SYCP2: variants seen among roughly 807,000 people sequenced by gnomAD.
SYCP2 encodes the protein synaptonemal complex lateral element protein.
In SYCP2, 55 loss-of-function variants were observed where a neutral mutation model predicts 211.3. The observed-to-expected ratio is 0.26, with a 90% CI of 0.21 to 0.33. The LOEUF is 0.33. SYCP2 is among the 10% of genes least tolerant of loss of function. SYCP2 has a pLI of 1.00. For synonymous variants in SYCP2, 570 were observed against 555.2 expected (o/e 1.03, Z -0.37); for missense variants, 1,731 against 1,752.0 (o/e 0.99, Z 0.21).
intron 24 of SYCP2, among the ~76,000 whole-genome samples, chr20:59,887,658 T>G (rs902610456): frequency 6.1e-4 from 93 of 152,128 alleles, no homozygotes; most frequent in African/African-American, 2.2e-3. Context: ...CTCCAGCACC[T>G]GTTAACAGAA....
At chr20:59,922,709 C>A (rs1157127231) in intron 2 of SYCP2, among the ~76,000 whole-genome samples, 3 of 151,604 alleles carry the variant, frequency 2.0e-5, no homozygotes, top group African/African-American at 4.8e-5. Context: ...AAATATCCTG[C>A]CAAAAGGTCA....
intron 22 of SYCP2, 128 bp from the exon 23 acceptor site, chr20:59,892,829 T>C (rs1275600619): frequency 3.8e-6 from 3 of 784,762 alleles, no homozygotes; most frequent in African/African-American, 3.6e-5. Context: ...AAATTTATCT[T>C]ATCTTACAGT....
chr20:59,865,575 C>A lies in SYCP2; in HGVS notation c.4456G>T (p.Glu1486Ter). The A allele has an allele frequency of 6.3e-7, 1 of 1,598,406 alleles. No homozygotes were observed. The highest frequency in any genetic ancestry group is 8.5e-7 in the Non-Finnish European group (1 of 1,173,458). The change falls in exon 43 of 45, where the codon GAG (glutamate) becomes TAG (stop). Residue 1486 changes from glutamate (E) to a stop codon, truncating the protein, a stop_gained and splice_region_variant. Coordinates refer to ENST00000357552, the MANE Select transcript of SYCP2 (RefSeq NM_014258.4). LOFTEE classifies it high-confidence loss of function. ...TATAAAAAGCATAAAATTTATACCT[C>A]GGATGTAAAAACAGTTTCTTCACTA... ...TDSEETVFTS[E>*]MCLMKEDMKV...
chr20:59,916,658 G>C (rs2060448198), intron 7 of SYCP2, 87 bp from the exon 8 acceptor site: 6 of 866,198 alleles, frequency 6.9e-6, no homozygotes, highest in Middle Eastern at 2.5e-4. Context: ...AGTGGAAAGG[G>C]GCCAGGCATG....
chr20:59,868,920 A>G lies in SYCP2; in HGVS notation c.3747T>C (p.Ser1249=). Residue 1249 remains serine, a synonymous_variant, in exon 37 of 45, where the codon AGT becomes AGC. Transcript: ENST00000357552. The part of the protein sequence containing the change: ...ENYIQSKREE[S]HLASSLSKSS... The stretch of plus-strand genomic sequence containing the variant: ...ACTTGGATAATGAAGATGCTAAATG[A>G]CTTTCCTAAAATACGTATTAGAAAT... 6.2e-7 allele frequency: 1 copy of G among 1,602,340 alleles called. No homozygotes were observed. The highest frequency in any genetic ancestry group is 8.5e-7 in the Non-Finnish European group (1 of 1,174,884).
At chr20:59,908,604 A>G (rs760598556) in intron 14 of SYCP2, among the ~76,000 whole-genome samples, 2 of 152,222 alleles carry the variant, frequency 1.3e-5, no homozygotes, top group African/African-American at 4.8e-5. Flanking sequence ...TCTTCCTTAT[A>G]TATCAAGGCA....
chr20:59,869,548 C>T (rs1024368544), intron 36 of SYCP2, among the ~76,000 whole-genome samples: 3 of 151,644 alleles, frequency 2.0e-5, no homozygotes, highest in African/African-American at 7.3e-5. Flanking sequence ...AATATGCAAT[C>T]CGGGGTTCAG....
intron 18 of SYCP2, among the ~76,000 whole-genome samples, chr20:59,899,176 G>C (rs2060068894): frequency 6.6e-6 from 1 of 152,130 alleles, no homozygotes; most frequent in African/African-American, 2.4e-5. Context: ...GATGAAACAA[G>C]AAAGAATGGA....
chr20:59,892,688 A>G lies in SYCP2; in HGVS notation c.1807T>C (p.Leu603=). The change falls in exon 23 of 45, where the codon TTA becomes CTA. Residue 603 remains leucine, a synonymous_variant. Coordinates refer to ENST00000357552, the MANE Select transcript of SYCP2 (RefSeq NM_014258.4). ...ATTTTATTTCCACAGATGTTGTCTA[A>G]AACACCAGGTAATCTAGAAAATAAA... ...KRDHTILPGV[L]DNICGNKIHS... 6.2e-7 allele frequency: 1 copy of G among 1,603,786 alleles called. No individual in the cohort carries two copies. The highest frequency in any genetic ancestry group is 2.2e-5 in the East Asian group (1 of 44,488).
At position 59,915,203 on chromosome 20, in the gene SYCP2, T is replaced by C; in HGVS notation, c.600-4A>G. The stretch of plus-strand genomic sequence containing the variant: ...AATCCTTTCTCCCATACTACTCCTG[T>C]GAATTAAAATAACAGATTACAAAAT... On this transcript the variant is annotated splice_polypyrimidine_tract_variant and splice_region_variant and intron_variant, in intron 9 of 44. Transcript: ENST00000357552. 6.4e-7 allele frequency: 1 copy of C among 1,569,872 alleles called. No individual in the cohort carries two copies. The highest frequency in any genetic ancestry group is 2.3e-5 in the East Asian group (1 of 44,396).
At chr20:59,910,531 C>A (rs2060300839) in intron 14 of SYCP2, among the ~76,000 whole-genome samples, 1 of 151,640 alleles carries the variant, frequency 6.6e-6, no homozygotes, top group Admixed American at 6.6e-5. Context: ...CAGGCGCCTG[C>A]CACCACGCCC....
At chr20:59,867,295 TAAG>T (rs779658029) in intron 39 of SYCP2, among the ~76,000 whole-genome samples, 65 of 151,678 alleles carry the variant, frequency 4.3e-4, no homozygotes, top group Non-Finnish European at 8.8e-4. Context: ...CCTCAAAAAC[TAAG>T]ACTACATAAC....
intron 2 of SYCP2, among the ~76,000 whole-genome samples, chr20:59,928,710 C>T (rs1281404939): frequency 6.6e-6 from 1 of 151,924 alleles, no homozygotes; most frequent in Non-Finnish European, 1.5e-5. Flanking sequence ...TTTCGCAAAT[C>T]GGGAAAGGTA....
chr20:59,879,822 A>AATATATATATAT (rs1159547809), intron 31 of SYCP2, among the ~76,000 whole-genome samples: 16 of 51,096 alleles, frequency 3.1e-4, no homozygotes, highest in Admixed American at 6.7e-4. Context: ...AATATAAATA[A>AATATATATATAT]ATATATATAT....
At chr20:59,892,454 T>C in intron 23 of SYCP2, 28 bp from the exon 24 acceptor site, 1 of 1,453,438 alleles carries the variant, frequency 6.9e-7, no homozygotes, top group Non-Finnish European at 9.2e-7. Context: ...AAATTAATTC[T>C]TTTTAAATTA....
Position 59,905,469 on chromosome 20 carries a change from C to T in SYCP2, c.1033+1895G>A, listed in dbSNP as rs186770575. ...ACTGATACATGCAACATGCTTGAAT[C>T]TTTTTTTAAAAAAGTGTTCTAAAAG... On this transcript the variant is annotated intron_variant, in intron 15 of 44. Coordinates refer to ENST00000357552, the MANE Select transcript of SYCP2 (RefSeq NM_014258.4). Among the ~76,000 whole-genome samples the T allele has an allele frequency of 4.8e-3, 725 of 152,118 alleles. 3 individuals carry two copies. The highest frequency in any genetic ancestry group is 9.0e-3 in the Admixed American group (137 of 15,266).
At chr20:59,875,867 C>T (rs1299906367) in intron 33 of SYCP2, among the ~76,000 whole-genome samples, 1 of 152,058 alleles carries the variant, frequency 6.6e-6, no homozygotes, top group East Asian at 1.9e-4. Context: ...TTGAGAGGCA[C>T]AGGTCTTTTT....
In SYCP2 at chr20:59,866,892, C is replaced by G. The variant is rs138513672; in HGVS notation, c.4126-303G>C. Among the ~76,000 whole-genome samples, 1,109 of 150,704 alleles carry G rather than the reference C, an allele frequency of 7.4e-3. 19 individuals are homozygous for G. Among genetic ancestry groups the G allele is most frequent in the African/African-American group, 0.025 (1,047 of 41,084 alleles). ...TTATAATTCTCTTCAAAGACACAGC[C>G]TAAAAGTCACACTCAGAATTTTTTA... On this transcript the variant is annotated intron_variant, in intron 39 of 44. Transcript: ENST00000357552.
intron 41 of SYCP2, 118 bp downstream of exon 41, chr20:59,866,173 CTA>C (rs1267928486): frequency 5.2e-6 from 3 of 578,182 alleles, no homozygotes; most frequent in Admixed American, 3.6e-5. Context: ...TAAGATAAAA[CTA>C]AATTATTTTC....
Sources: gnomAD v4.1 joint callset for allele counts (sites outside exome capture counted in the v4.1 genomes callset) on GRCh38, gnomAD v4.1.1 for gene constraint, MANE v1.5 for transcripts, NCBI Gene and HGNC (gene_info 2026-07-23, HGNC 2026-07-21) for gene names.